The following NRXN3 variants were observed in gnomAD, a reference collection of about 807,000 sequenced individuals.
NRXN3 encodes neurexin 3.
Under a neutral mutation model 137.6 loss-of-function variants are expected in NRXN3, and 32 were observed. That is an observed-to-expected ratio of 0.23 (90% CI 0.18 to 0.31). The LOEUF (loss-of-function observed/expected upper bound fraction) is 0.31. Ranked by LOEUF, NRXN3 falls within the 10% of genes least tolerant of loss-of-function variation. The probability of loss-of-function intolerance (pLI) is 1.00; values close to 1 mark genes in which losing one functional copy is unlikely to be tolerated. For synonymous variants in NRXN3, 798 were observed against 784.5 expected (o/e 1.02, Z -0.29); for missense variants, 1,574 against 2,062.5 (o/e 0.76, Z 4.59).
intron 4 of NRXN3, among the ~76,000 whole-genome samples, chr14:78,513,653 CA>C (rs972228633): frequency 6.6e-6 from 1 of 151,466 alleles, no homozygotes; most frequent in African/African-American, 2.4e-5. Context: ...AATCAATGTG[CA>C]AAAAAAATTC....
At chr14:79,227,963 C>T (rs1273240518) in intron 15 of NRXN3, among the ~76,000 whole-genome samples, 1 of 151,944 alleles carries the variant, frequency 6.6e-6, no homozygotes. Flanking sequence ...TTCCCCAAAG[C>T]AATAGAAAGG....
chr14:79,653,020 C>CCTAA (rs1387293604), intron 16 of NRXN3, among the ~76,000 whole-genome samples: 1 of 151,540 alleles, frequency 6.6e-6, no homozygotes, highest in African/African-American at 2.4e-5. Flanking sequence ...GGATGAAAGA[C>CCTAA]CTAACTGCAG....
intron 20 of NRXN3, among the ~76,000 whole-genome samples, chr14:79,848,263 G>T (rs1024328288): frequency 1.3e-4 from 20 of 152,142 alleles, no homozygotes; most frequent in African/African-American, 4.6e-4. Flanking sequence ...CTTAGCAACT[G>T]CTCCCCTGTT....
intron 10 of NRXN3, among the ~76,000 whole-genome samples, chr14:78,813,224 G>A (rs184527765): frequency 6.6e-6 from 1 of 152,296 alleles, no homozygotes; most frequent in Non-Finnish European, 1.5e-5. Context: ...GAGTGGAAAA[G>A]TTTGAGAAGA....
At chr14:78,888,704 T>A (rs770664690) in intron 10 of NRXN3, among the ~76,000 whole-genome samples, 1 of 152,010 alleles carries the variant, frequency 6.6e-6, no homozygotes, top group Admixed American at 6.6e-5. Flanking sequence ...GTGAAGAAAA[T>A]TCAATTTTTA....
At chr14:78,669,275 A>G (rs1004232284) in intron 6 of NRXN3, among the ~76,000 whole-genome samples, 1 of 152,110 alleles carries the variant, frequency 6.6e-6, no homozygotes, top group African/African-American at 2.4e-5. Flanking sequence ...TGGTAGTAGT[A>G]GTAGTAGTAG....
chr14:78,796,688 A>AGACACAGGGC (rs2098822973), intron 8 of NRXN3, among the ~76,000 whole-genome samples: 1 of 152,172 alleles, frequency 6.6e-6, no homozygotes, highest in Non-Finnish European at 1.5e-5. Context: ...CTCAGAGGTA[A>AGACACAGGGC]TTAGAGTAAG....
intron 1 of NRXN3, among the ~76,000 whole-genome samples, chr14:78,203,574 G>C (rs2061875689): frequency 6.6e-6 from 1 of 152,120 alleles, no homozygotes. Context: ...ACAGGAAATG[G>C]GACCAATCCA....
intron 15 of NRXN3, among the ~76,000 whole-genome samples, chr14:79,062,439 A>C (rs1342879713): frequency 1.3e-5 from 2 of 152,178 alleles, no homozygotes; most frequent in Admixed American, 6.5e-5. Flanking sequence ...AATACAGCAC[A>C]ATGGCAAAGT....
chr14:78,888,332 T>C (rs889620751), intron 10 of NRXN3, among the ~76,000 whole-genome samples: 1 of 152,068 alleles, frequency 6.6e-6, no homozygotes, highest in African/African-American at 2.4e-5. Context: ...CAGCAAATTA[T>C]TGAATTCTGA....
At chr14:78,418,564 CA>C (rs1457164551) in intron 4 of NRXN3, among the ~76,000 whole-genome samples, 1 of 152,144 alleles carries the variant, frequency 6.6e-6, no homozygotes, top group African/African-American at 2.4e-5. Flanking sequence ...CAAGAAACTC[CA>C]TGCAGCTTGG....
intron 4 of NRXN3, among the ~76,000 whole-genome samples, chr14:78,382,574 G>T (rs1256654554): frequency 6.6e-6 from 1 of 152,206 alleles, no homozygotes; most frequent in Non-Finnish European, 1.5e-5. Flanking sequence ...ACCTGGAAGA[G>T]ACTGAAGTAG....
chr14:79,163,479 C>T (rs753571580), intron 15 of NRXN3, among the ~76,000 whole-genome samples: 3 of 151,934 alleles, frequency 2.0e-5, no homozygotes, highest in Admixed American at 6.6e-5. Context: ...AGTCATTGGT[C>T]ACAGTGTCTT....
chr14:78,550,257 T>G (rs913289288), intron 4 of NRXN3, among the ~76,000 whole-genome samples: 1 of 152,114 alleles, frequency 6.6e-6, no homozygotes, highest in African/African-American at 2.4e-5. Context: ...CTGGAATTCC[T>G]GGACTTAAGT....
At chr14:78,872,859 A>G (rs1186773274) in intron 10 of NRXN3, among the ~76,000 whole-genome samples, 1 of 152,178 alleles carries the variant, frequency 6.6e-6, no homozygotes, top group Non-Finnish European at 1.5e-5. Context: ...AGGGGTCAGT[A>G]TATAAATTTA....
intron 8 of NRXN3, among the ~76,000 whole-genome samples, chr14:78,788,209 G>A (rs1249783543): frequency 3.9e-5 from 6 of 152,114 alleles, no homozygotes; most frequent in African/African-American, 1.4e-4. Context: ...GAAGCAATGG[G>A]CCACCTCTAG....
chr14:78,653,409 G>C (rs2097761873), intron 6 of NRXN3, among the ~76,000 whole-genome samples: 2 of 152,204 alleles, frequency 1.3e-5, no homozygotes, highest in Non-Finnish European at 2.9e-5. Flanking sequence ...ACATGGCTCA[G>C]GAATGAATGA....
intron 8 of NRXN3, 31 bp downstream of exon 8, chr14:78,715,170 G>A (rs2098425549): frequency 2.5e-6 from 4 of 1,588,942 alleles, no homozygotes; most frequent in Non-Finnish European, 3.4e-6. Context: ...GCAAGTGAGG[G>A]CCTGAGTGGG....
At chr14:78,659,881 G>C (rs1036937952) in intron 6 of NRXN3, among the ~76,000 whole-genome samples, 9 of 152,070 alleles carry the variant, frequency 5.9e-5, no homozygotes, top group African/African-American at 2.2e-4. Flanking sequence ...GAGAGAAATT[G>C]GCAATGTCAG....
Sources: allele counts gnomAD v4.1 joint callset (sites outside exome capture counted in the v4.1 genomes callset), GRCh38; gene constraint gnomAD v4.1.1; transcripts MANE v1.5; gene names NCBI Gene and HGNC (gene_info 2026-07-23, HGNC 2026-07-21).